Variants in LPAR1 observed in about 807,000 individuals in gnomAD.
The protein encoded by LPAR1 is LPA receptor 1.
LPAR1 carries 5 observed loss-of-function variants against 23.8 expected under a neutral mutation model. The observed-to-expected ratio is 0.21, with a 90% CI of 0.11 to 0.44. The LOEUF is 0.44. Ranked by LOEUF, LPAR1 falls within the 20% of genes least tolerant of loss-of-function variation. The probability of loss-of-function intolerance (pLI) is 0.99; values close to 1 mark genes in which losing one functional copy is unlikely to be tolerated. For synonymous variants in LPAR1, 160 were observed against 164.7 expected, an observed-to-expected ratio of 0.97 and a Z score of 0.22; for missense variants, 311 against 482.8, an observed-to-expected ratio of 0.64 and a Z score of 3.33.
intron 4 of LPAR1, among the ~76,000 whole-genome samples, chr9:110,961,599 G>A (rs577130399): frequency 7.8e-6 from 1 of 127,740 alleles, no homozygotes; most frequent in African/African-American, 3.0e-5. Flanking sequence ...CAGCCTGGGT[G>A]ACAGAGCGAG....
At chr9:110,936,873 G>A (rs1454804203) in intron 5 of LPAR1, among the ~76,000 whole-genome samples, 1 of 152,082 alleles carries the variant, frequency 6.6e-6, no homozygotes, top group African/African-American at 2.4e-5. Flanking sequence ...CAGCCAAAAA[G>A]GAAAGGACTT....
At chr9:110,900,710 A>G (rs2133817935) in intron 5 of LPAR1, among the ~76,000 whole-genome samples, 1 of 152,322 alleles carries the variant, frequency 6.6e-6, no homozygotes, top group African/African-American at 2.4e-5. Flanking sequence ...AGGAAATATG[A>G]TTCATTTCTG....
intron 4 of LPAR1, among the ~76,000 whole-genome samples, chr9:110,970,162 T>TATAGATA (rs1162235619): frequency 6.6e-6 from 1 of 152,128 alleles, no homozygotes; most frequent in Non-Finnish European, 1.5e-5. Flanking sequence ...AGAGAAGATA[T>TATAGATA]ATAGATAAGA....
At chr9:111,022,794 T>G (rs1409288469) in intron 2 of LPAR1, among the ~76,000 whole-genome samples, 1 of 152,140 alleles carries the variant, frequency 6.6e-6, no homozygotes, top group East Asian at 1.9e-4. Context: ...CTCAAGTCTG[T>G]AATCCCAGCA....
chr9:110,993,523 T>C (rs1479768073), intron 2 of LPAR1, among the ~76,000 whole-genome samples: 1 of 151,996 alleles, frequency 6.6e-6, no homozygotes, highest in Non-Finnish European at 1.5e-5. Context: ...CATGGGAAGG[T>C]AGCCCAGAGT....
chr9:110,878,514 A>T (rs1393353397), intron 5 of LPAR1, among the ~76,000 whole-genome samples: 1 of 152,184 alleles, frequency 6.6e-6, no homozygotes, highest in Non-Finnish European at 1.5e-5. Flanking sequence ...CCATAATTCA[A>T]TCAGGTTACA....
intron 4 of LPAR1, among the ~76,000 whole-genome samples, chr9:110,966,131 G>T (rs13298141): frequency 0.38 from 57,033 of 151,794 alleles, 11,781 homozygotes; most frequent in Non-Finnish European, 0.47. Context: ...GTCTGGGAGT[G>T]GGGGAAAAGG....
chr9:111,027,885 CAAAAAAAAAAA>C (rs10594862), intron 2 of LPAR1, among the ~76,000 whole-genome samples: 1 of 56,666 alleles, frequency 1.8e-5, no homozygotes, highest in Admixed American at 2.7e-4. Flanking sequence ...CACAAGTCCT[CAAAAAAAAAAA>C]AAAAAAAAAA....
At chr9:110,971,390 G>A (rs745738585) in intron 4 of LPAR1, among the ~76,000 whole-genome samples, 1 of 152,148 alleles carries the variant, frequency 6.6e-6, no homozygotes, top group Non-Finnish European at 1.5e-5. Context: ...CAGAGGAGCA[G>A]GGATGTGAAC....
rs139337555 is a variant in LPAR1 at position 110,974,321 on chromosome 9, A to C, written c.-181-763T>G. Among the ~76,000 whole-genome samples the C allele has an allele frequency of 2.4e-3, 369 of 152,330 alleles. 1 individual carries two copies. The highest frequency in any genetic ancestry group is 8.4e-3 in the African/African-American group (349 of 41,566). ...TAAAAGTAATGAACCAGATGTCACA[A>C]GATCCAAGTCTTGCACAGCAGGAAC... On this transcript the variant is annotated intron_variant, in intron 2 of 5. Coordinates refer to ENST00000683809, the MANE Select transcript of LPAR1 (RefSeq NM_001351411.2).
intron 5 of LPAR1, among the ~76,000 whole-genome samples, chr9:110,905,936 G>A (rs959223601): frequency 6.6e-6 from 1 of 152,110 alleles, no homozygotes; most frequent in Non-Finnish European, 1.5e-5. Context: ...CTAATTTACA[G>A]CAGTGCTATA....
At chr9:110,973,795 T>C (rs1471190038) in intron 2 of LPAR1, among the ~76,000 whole-genome samples, 87 of 152,230 alleles carry the variant, frequency 5.7e-4, no homozygotes, top group Admixed American at 5.6e-3. Flanking sequence ...AAAATAATTT[T>C]TAAAAATTCG....
intron 2 of LPAR1, among the ~76,000 whole-genome samples, chr9:110,977,856 GA>G (rs1274709331): frequency 1.3e-3 from 132 of 100,726 alleles, no homozygotes; most frequent in African/African-American, 5.7e-3. Flanking sequence ...GGGAAGGAAG[GA>G]AGGAAGGAAG....
chr9:110,961,025 T>C (rs2095954500), intron 4 of LPAR1, among the ~76,000 whole-genome samples: 2 of 151,940 alleles, frequency 1.3e-5, no homozygotes, highest in African/African-American at 4.8e-5. Context: ...GAATTTTGTA[T>C]CTATTTTAGT....
intron 5 of LPAR1, among the ~76,000 whole-genome samples, chr9:110,897,443 T>C (rs1969920): frequency 0.99 from 151,301 of 152,314 alleles, 75,151 homozygotes; most frequent in Middle Eastern, 1. Context: ...TGTAAATTGC[T>C]CAGTCTCGGG....
chr9:110,939,464 T>C (rs571023120), intron 5 of LPAR1, among the ~76,000 whole-genome samples: 24 of 152,340 alleles, frequency 1.6e-4, no homozygotes, highest in African/African-American at 5.5e-4. Context: ...TCATGCTCTT[T>C]ATTCCAGAGA....
At chr9:111,001,261 C>T (rs1004099554) in intron 2 of LPAR1, among the ~76,000 whole-genome samples, 2 of 152,070 alleles carry the variant, frequency 1.3e-5, no homozygotes, top group East Asian at 1.9e-4. Flanking sequence ...AATTCAAAGT[C>T]CAAGGAAGTC....
intron 5 of LPAR1, among the ~76,000 whole-genome samples, chr9:110,931,655 G>T (rs541876604): frequency 6.6e-6 from 1 of 152,256 alleles, no homozygotes; most frequent in Admixed American, 6.5e-5. Context: ...ATGGTTTTAG[G>T]TCTAACATTT....
chr9:110,990,932 T>C (rs1450102418), intron 2 of LPAR1, among the ~76,000 whole-genome samples: 1 of 152,128 alleles, frequency 6.6e-6, no homozygotes, highest in South Asian at 2.1e-4. Flanking sequence ...TAATAAATGA[T>C]TAAGACAGTG....
Sources: allele counts gnomAD v4.1 joint callset (sites outside exome capture counted in the v4.1 genomes callset), GRCh38; gene constraint gnomAD v4.1.1; transcripts MANE v1.5; gene names NCBI Gene and HGNC (gene_info 2026-07-23, HGNC 2026-07-21).